KDM2B: variants seen among roughly 807,000 people sequenced by gnomAD.
KDM2B encodes lysine-specific demethylase 2B.
KDM2B carries 26 observed loss-of-function variants against 150.0 expected under a neutral mutation model. That is an observed-to-expected ratio of 0.17 (90% CI 0.13 to 0.24). The LOEUF is 0.24. KDM2B is among the 10% of genes least tolerant of loss of function. The probability of loss-of-function intolerance (pLI) is 1.00; values close to 1 mark genes in which losing one functional copy is unlikely to be tolerated. For synonymous variants in KDM2B, 734 were observed against 729.5 expected (o/e 1.01, Z -0.10); for missense variants, 1,265 against 1,816.9 (o/e 0.70, Z 5.52).
At chr12:121,421,785 C>T in the KDM2B span, among the ~76,000 whole-genome samples, 1 of 152,170 alleles carries the variant, frequency 6.6e-6, no homozygotes, top group African/African-American at 2.4e-5. Context: ...GCCACCATGC[C>T]TGACCCTCAG....
At chr12:121,455,210 CA>C (rs1201137669) in intron 12 of KDM2B, among the ~76,000 whole-genome samples, 1 of 152,176 alleles carries the variant, frequency 6.6e-6, no homozygotes. Flanking sequence ...CTGTGAACCC[CA>C]AAGAGGAAAG....
rs1427636775 is a variant in KDM2B, at chr12:121,487,673, C to G, written c.1734+6906G>C. On this transcript the variant is annotated intron_variant, in intron 12 of 22. Transcript: ENST00000377071. ...TCCTACCCTGACCCAGTAGAGAACC[C>G]CATGGTCTCAGTGGCCTCAAACCCC... is the stretch of plus-strand genomic sequence containing the variant. Among the ~76,000 whole-genome samples, 4 of 152,294 alleles carry G rather than the reference C, an allele frequency of 2.6e-5. No individual in the cohort carries two copies. The East Asian group carries it at 7.7e-4, about 29-fold the overall frequency.
the KDM2B span, chr12:121,417,469 T>TGG: frequency 6.4e-7 from 1 of 1,569,182 alleles, no homozygotes. The surrounding 1 kb of genome is among the most constrained non-coding windows in gnomAD (Gnocchi z 5.0). Flanking sequence ...TAATGGTTTA[T>TGG]ATCTTGCTGT....
At chr12:121,456,664 G>A (rs1426282321) in intron 12 of KDM2B, among the ~76,000 whole-genome samples, 3 of 152,230 alleles carry the variant, frequency 2.0e-5, no homozygotes, top group Non-Finnish European at 4.4e-5. Flanking sequence ...CGAGGACAGT[G>A]TCTGGGCAAG....
chr12:121,579,684 G>A, intron 1 of KDM2B: 1 of 1,046,066 alleles, frequency 9.6e-7, no homozygotes, highest in South Asian at 1.7e-5. Context: ...ACCACTCCCC[G>A]CATCCCCCTG....
chr12:121,450,606 T>C (rs1877078883), intron 13 of KDM2B, among the ~76,000 whole-genome samples: 1 of 152,052 alleles, frequency 6.6e-6, no homozygotes, highest in Non-Finnish European at 1.5e-5. Flanking sequence ...ACGCCTGTAA[T>C]CCCAGCACTT....
chr12:121,453,368 G>A lies in KDM2B; in HGVS notation c.1735-24C>T, dbSNP rs782394439. 3 of 1,529,432 alleles carry A rather than the reference G, an allele frequency of 2.0e-6. No homozygotes were observed. Among genetic ancestry groups the A allele is most frequent in the East Asian group, 2.4e-5 (1 of 41,104 alleles). The allele number at this position is 1,529,432 out of a possible 1,614,324, so 94.7% of individuals were successfully genotyped here. On this transcript the variant is annotated intron_variant, in intron 12 of 22. Transcript: ENST00000377071. This position sits in a 1 kb window ranked among gnomAD's most constrained non-coding sequence, Gnocchi z 6.4. ...TTCTGCAGGGGAACAGACACGACTG[G>A]TCAGATGGGGAGACTGCAGGCACGG...
chr12:121,487,659 C>G (rs1350630040), intron 12 of KDM2B, among the ~76,000 whole-genome samples: 7 of 152,162 alleles, frequency 4.6e-5, no homozygotes, highest in Non-Finnish European at 1.0e-4. Flanking sequence ...CCTACCCTGA[C>G]CCAGTAGAGA....
At chr12:121,423,608 C>T in the KDM2B span, 2 of 1,583,062 alleles carry the variant, frequency 1.3e-6, no homozygotes, top group Non-Finnish European at 1.7e-6. This position sits in a 1 kb window ranked among gnomAD's most constrained non-coding sequence, Gnocchi z 4.3. Context: ...CAGTCACCCC[C>T]AAACTTGACC....
At chr12:121,476,679 C>T (rs1881422961) in intron 12 of KDM2B, among the ~76,000 whole-genome samples, 1 of 152,058 alleles carries the variant, frequency 6.6e-6, no homozygotes, top group African/African-American at 2.4e-5. Context: ...TGATGGGCTC[C>T]GATGACACTT....
At position 121,549,477 on chromosome 12, in the gene KDM2B, C is replaced by T; in HGVS notation, c.559G>A (p.Val187Ile). ...EFSHTKLEHL[V>I]KRPTVVDLVD... The stretch of plus-strand genomic sequence containing the variant: ...GGACCTACCACAGTCGGACGCTTGA[C>T]CAAGTGCTCCAGCTTGGTGTGGCTG... Residue 187 changes from valine to isoleucine, a missense_variant, in exon 5 of 23, where the codon GTC (valine) becomes ATC (isoleucine). Val to Ile is a conservative substitution (Grantham distance 29). Transcript: ENST00000377071. The surrounding 1 kb of genome is among the most constrained non-coding windows in gnomAD (Gnocchi z 4.4). 1.2e-6 allele frequency: 2 copies of T among 1,603,422 alleles called. No individual in the cohort carries two copies. Among genetic ancestry groups the T allele is most frequent in the Non-Finnish European group, 1.7e-6 (2 of 1,171,898 alleles).
In KDM2B at chr12:121,575,749, G is replaced by A. The variant is rs374570431; in HGVS notation, c.350+32C>T. The A allele has an allele frequency of 2.4e-4, 353 of 1,445,898 alleles. 3 individuals carry two copies. The highest frequency in any genetic ancestry group is 2.0e-3 in the South Asian group (175 of 87,742). The allele number at this position is 1,445,898 out of a possible 1,614,324, so 89.6% of individuals were successfully genotyped here. On this transcript the variant is annotated intron_variant, in intron 3 of 22. Coordinates refer to ENST00000377071, the MANE Select transcript of KDM2B (RefSeq NM_032590.5). The surrounding 1 kb of genome is among the most constrained non-coding windows in gnomAD (Gnocchi z 4.4). ...TATAAAGTATGTTAGGGAGGAAGAC[G>A]GGGGAAGGAGTGATTAGTTTCAGCA...
At chr12:121,491,363 T>G (rs1412993656) in intron 12 of KDM2B, among the ~76,000 whole-genome samples, 1 of 152,160 alleles carries the variant, frequency 6.6e-6, no homozygotes, top group African/African-American at 2.4e-5. Context: ...CTGTGTATAC[T>G]GGGGAGTGCC....
intron 4 of KDM2B, among the ~76,000 whole-genome samples, chr12:121,557,694 G>A (rs1236395314): frequency 1.3e-5 from 2 of 152,178 alleles, no homozygotes; most frequent in African/African-American, 2.4e-5. Flanking sequence ...CCTGCCCCTA[G>A]AGACTTCAGG....
chr12:121,543,119 C>T (rs1888733184), intron 6 of KDM2B, among the ~76,000 whole-genome samples: 1 of 152,040 alleles, frequency 6.6e-6, no homozygotes. Flanking sequence ...CGTTGGGAGG[C>T]TGAGGCGGGT....
At chr12:121,512,719 G>C (rs999814581) in intron 10 of KDM2B, among the ~76,000 whole-genome samples, 1 of 151,992 alleles carries the variant, frequency 6.6e-6, no homozygotes, top group Non-Finnish European at 1.5e-5. Context: ...AGCCGTGTTC[G>C]GGGGGGATGA....
At chr12:121,426,546 A>G (rs1708529507), downstream of KDM2B, among the ~76,000 whole-genome samples, 1 of 150,516 alleles carries the variant, frequency 6.6e-6, no homozygotes, top group East Asian at 1.9e-4. Context: ...TCTGGGCTCA[A>G]GCAGCCCTCC....
intron 4 of KDM2B, among the ~76,000 whole-genome samples, chr12:121,556,488 G>A (rs935117269): frequency 6.6e-6 from 1 of 152,120 alleles, no homozygotes; most frequent in African/African-American, 2.4e-5. Flanking sequence ...GTCCTCACCA[G>A]AAGCAGATGC....
At position 121,572,422 on chromosome 12, in the gene KDM2B, T is replaced by C. The variant is rs1555316114; in HGVS notation, c.397+2125A>G. 2.6e-5 allele frequency among the ~76,000 whole-genome samples: 4 copies of C among 152,262 alleles called. 1 individual carries two copies. In the South Asian group the frequency reaches 6.2e-4, roughly 24 times the overall value. On this transcript the variant is annotated intron_variant, in intron 4 of 22. Transcript: ENST00000377071. The stretch of plus-strand genomic sequence containing the variant: ...CTTTCTCACTCACTCACTCACTCAG[T>C]TCCGCACTCCAAGTTTATCCCCCGA...
Sources: allele counts gnomAD v4.1 joint callset (sites outside exome capture counted in the v4.1 genomes callset), GRCh38; gene constraint gnomAD v4.1.1; non-coding constraint Gnocchi (gnomAD v3.1); transcripts MANE v1.5; gene names NCBI Gene and HGNC (gene_info 2026-07-23, HGNC 2026-07-21).